Variants in DNAH12 observed in about 807,000 individuals in gnomAD.
The protein encoded by DNAH12 is dynein axonemal heavy chain 12.
In DNAH12, 285 loss-of-function variants were observed where a neutral mutation model predicts 371.5. The observed-to-expected ratio is 0.77, with a 90% CI of 0.70 to 0.85. The LOEUF (loss-of-function observed/expected upper bound fraction) is 0.85. Among genes scored for constraint, DNAH12 ranks in the 40% least tolerant of loss-of-function variants. DNAH12 has a pLI of 0.00. For synonymous variants in DNAH12, 1,200 were observed against 1,213.0 expected (o/e 0.99, Z 0.22); for missense variants, 3,611 against 3,689.4 (o/e 0.98, Z 0.55).
intron 43 of DNAH12, among the ~76,000 whole-genome samples, chr3:57,398,410 AAAG>A (rs2063788898): frequency 1.3e-5 from 2 of 152,240 alleles, no homozygotes; most frequent in South Asian, 4.1e-4. Context: ...AAATCTCAGG[AAAG>A]AAGTGGATAT....
At chr3:57,447,669 T>C (rs1014672601) in intron 25 of DNAH12, among the ~76,000 whole-genome samples, 2 of 122,686 alleles carry the variant, frequency 1.6e-5, no homozygotes, top group South Asian at 3.2e-4. Context: ...TCAGTGATAG[T>C]TCATCCATTT....
chr3:57,529,790 C>T (rs2153399922), intron 2 of DNAH12, among the ~76,000 whole-genome samples: 1 of 151,948 alleles, frequency 6.6e-6, no homozygotes, highest in East Asian at 1.9e-4. Context: ...GTTTGGTTTG[C>T]TCTTGTTTTT....
At chr3:57,488,482 G>A (rs987836601) in intron 12 of DNAH12, among the ~76,000 whole-genome samples, 11 of 152,058 alleles carry the variant, frequency 7.2e-5, no homozygotes, top group East Asian at 3.9e-4. Flanking sequence ...ATGAGCCACC[G>A]TGCCTGCCTG....
Position 57,403,310 on chromosome 3 carries a change from T to G in DNAH12, c.6947A>C (p.Lys2316Thr). ...YGMNEWREDM[K>T]GLLRNVGMKG... ...TACTAGGCTTCTTCATAATTTTACC[T>G]TCATATCCTCTCTCCATTCATTCAT... The change falls in exon 43 of 74, where the codon AAG (lysine) becomes ACG (threonine). Residue 2316 changes from lysine to threonine, a missense_variant and splice_region_variant. Physicochemically the swap from Lys to Thr is moderately conservative, Grantham distance 78. Around this residue, in one of 3 missense-constraint regions of DNAH12, gnomAD observed 2,266 missense variants for 2,236.9 expected, o/e 1.01. Transcript: ENST00000495027. 6.5e-7 allele frequency: 1 copy of G among 1,540,636 alleles called. No individual in the cohort carries two copies. Among genetic ancestry groups the G allele is most frequent in the African/African-American group, 1.4e-5 (1 of 72,340 alleles).
At chr3:57,468,321 C>T (rs146623138) in intron 17 of DNAH12, among the ~76,000 whole-genome samples, 199 of 152,146 alleles carry the variant, frequency 1.3e-3, no homozygotes, top group African/African-American at 4.5e-3. Context: ...GAGTGAGACC[C>T]TATCTAAAAA....
intron 34 of DNAH12, among the ~76,000 whole-genome samples, chr3:57,427,211 AAGAT>A (rs1255967949): frequency 6.6e-6 from 1 of 150,520 alleles, no homozygotes; most frequent in African/African-American, 2.5e-5. Context: ...GGTCCCCAAA[AAGAT>A]ATTTCCATGT....
At chr3:57,549,265 C>T (rs182785873), upstream of DNAH12, among the ~76,000 whole-genome samples, 56 of 151,166 alleles carry the variant, frequency 3.7e-4, no homozygotes, top group East Asian at 9.3e-3. Flanking sequence ...GCTGTAATCC[C>T]AGCACTTTAG....
At chr3:57,480,618 A>G (rs1342703413) in intron 13 of DNAH12, among the ~76,000 whole-genome samples, 3 of 151,930 alleles carry the variant, frequency 2.0e-5, no homozygotes, top group Non-Finnish European at 2.9e-5. Flanking sequence ...GACACAACAA[A>G]AGAAGAATTT....
chr3:57,549,137 A>G (rs2069599257), upstream of DNAH12, among the ~76,000 whole-genome samples: 1 of 152,098 alleles, frequency 6.6e-6, no homozygotes, highest in Non-Finnish European at 1.5e-5. Context: ...GCAGTGAGCT[A>G]TTATGGCTGC....
At chr3:57,361,088 G>A (rs1338625898) in intron 58 of DNAH12, among the ~76,000 whole-genome samples, 2 of 151,858 alleles carry the variant, frequency 1.3e-5, no homozygotes, top group African/African-American at 2.4e-5. Context: ...GGTGACTCAC[G>A]CCTGTAATCC....
At position 57,324,980 on chromosome 3, in the gene DNAH12, T is replaced by G. The variant is rs146663783; in HGVS notation, c.9979-1361A>C. On this transcript the variant is annotated intron_variant, in intron 62 of 73. Transcript: ENST00000495027. ...GTCTCGCTGATTGCTAGCACAGCAG[T>G]CTGAGATCAAACTGCAAGGCGGCAG... Among the ~76,000 whole-genome samples the G allele has an allele frequency of 3.9e-3, 598 of 152,254 alleles. 7 individuals carry two copies. The highest frequency in any genetic ancestry group is 0.014 in the African/African-American group (581 of 41,560).
chr3:57,323,448 G>A, intron 63 of DNAH12, 21 bp downstream of exon 63: 1 of 1,511,876 alleles, frequency 6.6e-7, no homozygotes, highest in South Asian at 1.3e-5. Context: ...TTTCTTAAAA[G>A]TTTACAGTAT....
At chr3:57,298,445 A>G (rs1385015988) in intron 70 of DNAH12, among the ~76,000 whole-genome samples, 1 of 152,268 alleles carries the variant, frequency 6.6e-6, no homozygotes, top group African/African-American at 2.4e-5. Context: ...CAACAGATGA[A>G]GTGCAAGAAG....
chr3:57,530,626 G>A (rs1392851480), intron 2 of DNAH12: 2 of 538,038 alleles, frequency 3.7e-6, no homozygotes, highest in Non-Finnish European at 6.8e-6. Flanking sequence ...AATGTATAGT[G>A]GGATTTTCAC....
intron 4 of DNAH12, among the ~76,000 whole-genome samples, chr3:57,512,257 A>G (rs1455245082): frequency 6.6e-6 from 1 of 152,226 alleles, no homozygotes; most frequent in East Asian, 1.9e-4. Context: ...GAAAACAAGT[A>G]TTGCATTATT....
Position 57,293,976 on chromosome 3 carries a change from A to T in DNAH12, c.11693-5T>A. The T allele has an allele frequency of 1.1e-6, 1 of 951,408 alleles. No individual in the cohort carries two copies. The highest frequency in any genetic ancestry group is 1.4e-6 in the Non-Finnish European group (1 of 722,278). 58.9% of individuals were successfully genotyped at this position (951,408 alleles called of 1,614,324 possible). ...TTATAATCCGAGATTTTTGAGCTTG[A>T]AAAAAAAAAAGAAATATATTCACTT... On this transcript the variant is annotated splice_region_variant and splice_polypyrimidine_tract_variant and intron_variant, in intron 73 of 73. Coordinates refer to ENST00000495027, the MANE Select transcript of DNAH12 (RefSeq NM_001366028.2).
chr3:57,419,467 T>C lies in DNAH12; in HGVS notation c.5614A>G (p.Asn1872Asp), dbSNP rs2153359795. 3.3e-6 allele frequency: 5 copies of C among 1,492,784 alleles called. No homozygotes were observed. The highest frequency in any genetic ancestry group is 3.6e-6 in the Non-Finnish European group (4 of 1,123,320). The allele number at this position is 1,492,784 out of a possible 1,614,324, so 92.5% of individuals were successfully genotyped here. A position where few individuals can be genotyped will look rare whatever the true frequency, so the allele number is the denominator to read the frequency against. ...ATCTTGATTTGTTTATCTCCTAAAT[T>C]AGTATTTTTAATTAATTCATTCCAA... ...VHWNELIKNT[N>D]LGDKQIKIQD... Residue 1872 changes from asparagine to aspartate, a missense_variant, in exon 37 of 74, where the codon AAT (asparagine) becomes GAT (aspartate). By Grantham distance (23) the Asn-to-Asp change is conservative (BLOSUM62 1). Transcript: ENST00000495027.
chr3:57,329,408 C>T, intron 62 of DNAH12, among the ~76,000 whole-genome samples: 1 of 124,692 alleles, frequency 8.0e-6, no homozygotes, highest in Non-Finnish European at 1.6e-5. Context: ...AATAACGCCA[C>T]ATATCTACAA....
upstream of DNAH12, among the ~76,000 whole-genome samples, chr3:57,544,864 AATG>A (rs2153404686): frequency 6.6e-6 from 1 of 152,332 alleles, no homozygotes; most frequent in South Asian, 2.1e-4. Flanking sequence ...ACTACATCTA[AATG>A]ATAATAGCCT....
Sources: allele counts gnomAD v4.1 joint callset (sites outside exome capture counted in the v4.1 genomes callset), GRCh38; gene constraint gnomAD v4.1.1; regional missense constraint gnomAD v4.1.1; transcripts MANE v1.5; gene names NCBI Gene and HGNC (gene_info 2026-07-23, HGNC 2026-07-21).